The following GRIA1 variants were observed in gnomAD, a reference collection of about 807,000 sequenced individuals.
GRIA1 encodes the protein glutamate receptor 1.
GRIA1 carries 31 observed loss-of-function variants against 99.2 expected under a neutral mutation model. The observed-to-expected ratio is 0.31, with a 90% CI of 0.23 to 0.42. The LOEUF (loss-of-function observed/expected upper bound fraction) is 0.42, where lower values mean the gene tolerates loss of function less well. Among genes scored for constraint, GRIA1 ranks in the 10% least tolerant of loss-of-function variants. GRIA1 has a pLI of 1.00. For missense variants in GRIA1, 782 were observed against 1,157.5 expected (o/e 0.68, Z 4.71); for synonymous variants, 438 against 432.4 (o/e 1.01, Z -0.16).
At chr5:153,745,847 A>AT (rs1046184645) in intron 11 of GRIA1, among the ~76,000 whole-genome samples, 15 of 151,822 alleles carry the variant, frequency 9.9e-5, no homozygotes, top group African/African-American at 3.1e-4. Flanking sequence ...TTACAATCTG[A>AT]TTTTTTTCAC....
intron 10 of GRIA1, among the ~76,000 whole-genome samples, chr5:153,702,901 G>T (rs1247747896): frequency 6.6e-6 from 1 of 152,194 alleles, no homozygotes; most frequent in Non-Finnish European, 1.5e-5. Flanking sequence ...GAATTATTAT[G>T]CCTGCTTTTA....
At position 153,650,603 on chromosome 5, in the gene GRIA1, G is replaced by T; in HGVS notation, c.645+89G>T. On this transcript the variant is annotated intron_variant, in intron 4 of 15. Transcript: ENST00000285900. Reference sequence around the variant, plus strand: ...TTTTGCCTTGGGTGTTATAAAGAGGGTTATAAAGAGGGTTCTTGACTAGGT... The same window carrying T: ...TTTTGCCTTGGGTGTTATAAAGAGGTTTATAAAGAGGGTTCTTGACTAGGT... 8.7e-6 allele frequency: 11 copies of T among 1,259,664 alleles called. 1 individual carries two copies. The South Asian group carries it at 1.3e-4, about 15-fold the overall frequency. The allele number at this position is 1,259,664 out of a possible 1,614,324, so 78.0% of individuals were successfully genotyped here.
intron 2 of GRIA1, 116 bp from the exon 3 acceptor site, chr5:153,646,812 A>C: frequency 9.1e-7 from 1 of 1,098,062 alleles, no homozygotes; most frequent in East Asian, 2.4e-5. Flanking sequence ...TGGATAGATG[A>C]CAGTTGGGTG....
At chr5:153,629,199 C>G (rs1752748269) in intron 2 of GRIA1, among the ~76,000 whole-genome samples, 1 of 152,160 alleles carries the variant, frequency 6.6e-6, no homozygotes, top group South Asian at 2.1e-4. Context: ...AATGCCTTTC[C>G]TCCTCCTCAT....
chr5:153,774,963 C>T (rs1031619909), intron 13 of GRIA1, among the ~76,000 whole-genome samples: 4 of 152,156 alleles, frequency 2.6e-5, no homozygotes, highest in Non-Finnish European at 4.4e-5. Context: ...TTCTTTGAAA[C>T]AGATGCTGTT....
intron 2 of GRIA1, among the ~76,000 whole-genome samples, chr5:153,581,335 A>T (rs1401054080): frequency 1.3e-5 from 2 of 152,146 alleles, no homozygotes; most frequent in Non-Finnish European, 2.9e-5. Context: ...ATAGAATCCA[A>T]ATGCCTAACA....
chr5:153,780,118 A>G (rs747350412), intron 13 of GRIA1, among the ~76,000 whole-genome samples: 7 of 152,338 alleles, frequency 4.6e-5, no homozygotes, highest in Middle Eastern at 3.4e-3. Context: ...GGTCAAAAAT[A>G]GCATCTCTTT....
At chr5:153,704,976 A>G (rs1410436752) in intron 10 of GRIA1, among the ~76,000 whole-genome samples, 1 of 152,212 alleles carries the variant, frequency 6.6e-6, no homozygotes, top group African/African-American at 2.4e-5. Context: ...ATAAATATCT[A>G]TTGAGTTAAA....
chr5:153,692,182 ACCTTGGAAACGACATC>A (rs1757813303), intron 8 of GRIA1, among the ~76,000 whole-genome samples: 1 of 152,184 alleles, frequency 6.6e-6, no homozygotes, highest in African/African-American at 2.4e-5. Flanking sequence ...AAGTGAAGCC[ACCTTGGAAACGACATC>A]CTTGACCAAG....
chr5:153,620,745 T>C (rs1766963410), intron 2 of GRIA1, among the ~76,000 whole-genome samples: 1 of 152,140 alleles, frequency 6.6e-6, no homozygotes, highest in African/African-American at 2.4e-5. Flanking sequence ...GATATTAAGG[T>C]CTTATAGACT....
In GRIA1 at chr5:153,494,001, C is replaced by T. The variant is rs1754178569; in HGVS notation, c.156C>T (p.Pro52=). The part of the protein sequence containing the change: ...FRFALSQLTE[P]PKLLPQIDIV... ...TTGCTTTGTCGCAACTCACAGAGCC[C>T]CCGAAGCTGCTCCCCCAGATTGATA... The change falls in exon 2 of 16, where the codon CCC becomes CCT. Residue 52 remains proline (P), a synonymous_variant. Coordinates refer to ENST00000285900, the MANE Select transcript of GRIA1 (RefSeq NM_000827.4). The T allele has an allele frequency of 1.2e-6, 2 of 1,613,902 alleles. No homozygotes were observed. Among genetic ancestry groups the T allele is most frequent in the South Asian group, 2.2e-5 (2 of 91,084 alleles).
chr5:153,569,629 T>C (rs1227613166), intron 2 of GRIA1, among the ~76,000 whole-genome samples: 1 of 152,206 alleles, frequency 6.6e-6, no homozygotes, highest in Non-Finnish European at 1.5e-5. Flanking sequence ...TTTTTGTGTT[T>C]GCTTAGTACT....
At chr5:153,756,487 G>T (rs981362080) in intron 11 of GRIA1, among the ~76,000 whole-genome samples, 2 of 152,156 alleles carry the variant, frequency 1.3e-5, no homozygotes, top group Admixed American at 6.5e-5. Flanking sequence ...CTGTAGGCAG[G>T]GTTGCCAACA....
intron 2 of GRIA1, among the ~76,000 whole-genome samples, chr5:153,636,902 G>A (rs1003419625): frequency 6.6e-6 from 1 of 152,230 alleles, no homozygotes. Flanking sequence ...GGATGGAGTA[G>A]CATGGTTTAT....
rs968921832 is a variant in GRIA1 at position 153,813,191 on chromosome 5, G to A, written c.*1966G>A. 1 of 152,182 alleles carries A rather than the reference G, an allele frequency of 6.6e-6. No individual in the cohort carries two copies. The highest frequency in any genetic ancestry group is 2.4e-5 in the African/African-American group (1 of 41,446). The allele number at this position is 152,182 out of a possible 1,614,324, so 9.4% of individuals were successfully genotyped here. The stretch of plus-strand genomic sequence containing the variant: ...TTCATGAAACCGGACCCTCAAGATG[G>A]ATGATTGCTTTTAACTACTGCCAGC... On this transcript the variant is annotated 3_prime_UTR_variant, in exon 16 of 16. Coordinates refer to ENST00000285900, the MANE Select transcript of GRIA1 (RefSeq NM_000827.4).
At chr5:153,594,611 T>G (rs979837147) in intron 2 of GRIA1, among the ~76,000 whole-genome samples, 53 of 152,240 alleles carry the variant, frequency 3.5e-4, no homozygotes, top group African/African-American at 1.2e-3. Context: ...GCTTGTTAAT[T>G]TTAATTTCTC....
chr5:153,581,471 C>A (rs1407168073), intron 2 of GRIA1, among the ~76,000 whole-genome samples: 4 of 152,160 alleles, frequency 2.6e-5, no homozygotes, highest in Non-Finnish European at 4.4e-5. Flanking sequence ...GCCAAGTTTT[C>A]TCCTACCTTA....
chr5:153,782,623 AATAG>A (rs2149640078), intron 13 of GRIA1, among the ~76,000 whole-genome samples: 1 of 152,324 alleles, frequency 6.6e-6, no homozygotes, highest in African/African-American at 2.4e-5. Flanking sequence ...CATAAAAATA[AATAG>A]ATAAATAAAT....
intron 7 of GRIA1, among the ~76,000 whole-genome samples, chr5:153,678,862 C>A (rs1308827874): frequency 6.6e-6 from 1 of 152,210 alleles, no homozygotes; most frequent in African/African-American, 2.4e-5. Flanking sequence ...TCTGGATGAC[C>A]TTGAAACATT....
Sources: allele counts gnomAD v4.1 joint callset (sites outside exome capture counted in the v4.1 genomes callset), GRCh38; gene constraint gnomAD v4.1.1; transcripts MANE v1.5; gene names NCBI Gene and HGNC (gene_info 2026-07-23, HGNC 2026-07-21).